Variants in NR2F1-AS1 observed in about 807,000 individuals in gnomAD.
NR2F1-AS1 encodes NR2F1 antisense RNA 1.
intron 4 of NR2F1-AS1, among the ~76,000 whole-genome samples, chr5:93,517,045 T>G (rs1301281128): frequency 1.3e-5 from 2 of 151,990 alleles, no homozygotes; most frequent in Non-Finnish European, 2.9e-5. Flanking sequence ...TTCCTGAATC[T>G]CTCACTGATA....
In NR2F1-AS1 at chr5:93,454,132, T is replaced by C. The variant is rs1178720307; in HGVS notation, n.639-58590A>G. On this transcript the variant is annotated intron_variant and non_coding_transcript_variant, in intron 4 of 5. Coordinates refer to ENST00000660523, the Ensembl canonical transcript of NR2F1-AS1. Reference sequence around the variant, plus strand: ...CTACTGAAAATCAGTATTTAAAAAATTAGCTAGGCATTGTGGCATGTGACT... The same window carrying C: ...CTACTGAAAATCAGTATTTAAAAAACTAGCTAGGCATTGTGGCATGTGACT... 1.4e-4 allele frequency among the ~76,000 whole-genome samples: 21 copies of C among 152,086 alleles called. 1 individual carries two copies. Among genetic ancestry groups the C allele is most frequent in the Non-Finnish European group, 1.5e-5 (1 of 67,998 alleles).
At chr5:93,561,730 A>C (rs577074068) in intron 2 of NR2F1-AS1, among the ~76,000 whole-genome samples, 8 of 152,198 alleles carry the variant, frequency 5.3e-5, no homozygotes, top group African/African-American at 1.9e-4. Context: ...CTGTGTTGAC[A>C]CCACTGCACT....
chr5:93,486,006 C>T (rs1296673398), intron 4 of NR2F1-AS1, among the ~76,000 whole-genome samples: 5 of 132,114 alleles, frequency 3.8e-5, no homozygotes, highest in African/African-American at 8.7e-5. Context: ...AGTAAACTAT[C>T]GCAAGAACAA....
chr5:93,448,964 T>C (rs1307922711), intron 4 of NR2F1-AS1, among the ~76,000 whole-genome samples: 2 of 152,164 alleles, frequency 1.3e-5, no homozygotes, highest in African/African-American at 4.8e-5. Flanking sequence ...TCACAGTAGG[T>C]AGGTAGCTTT....
At chr5:93,504,622 C>T (rs1213069637) in intron 4 of NR2F1-AS1, among the ~76,000 whole-genome samples, 1 of 152,050 alleles carries the variant, frequency 6.6e-6, no homozygotes, top group East Asian at 1.9e-4. Context: ...GCCTCAGAAT[C>T]ACGGTGGGAG....
chr5:93,530,894 ATTTT>A (rs1014502021), intron 4 of NR2F1-AS1, among the ~76,000 whole-genome samples: 2 of 151,756 alleles, frequency 1.3e-5, no homozygotes, highest in Admixed American at 6.6e-5. Context: ...CTTAAGTTTA[ATTTT>A]TTTTGAAAAA....
rs374360755 is a variant in NR2F1-AS1 at position 93,523,722 on chromosome 5, T to C, written n.638+30039A>G. Among the ~76,000 whole-genome samples the C allele has an allele frequency of 7.2e-5, 11 of 152,218 alleles. No individual in the cohort carries two copies. In the East Asian group the frequency reaches 1.7e-3, roughly 24 times the overall value. ...ATACTCAAGCAAACAGGATCTGGAA[T>C]AGACATCCAGCAAACTCCAGCAGAC... On this transcript the variant is annotated intron_variant and non_coding_transcript_variant, in intron 4 of 5. Transcript: ENST00000660523.
chr5:93,513,010 A>G (rs1751332686), intron 4 of NR2F1-AS1, among the ~76,000 whole-genome samples: 1 of 152,158 alleles, frequency 6.6e-6, no homozygotes, highest in South Asian at 2.1e-4. Flanking sequence ...TCACTAACAC[A>G]GTTAACAAAC....
chr5:93,466,904 T>TC (rs1554065104), intron 4 of NR2F1-AS1, among the ~76,000 whole-genome samples: 5 of 15,528 alleles, frequency 3.2e-4, no homozygotes, highest in Non-Finnish European at 8.5e-4. Flanking sequence ...ATCCCTTTTT[T>TC]GGGGGGGGGG....
intron 4 of NR2F1-AS1, among the ~76,000 whole-genome samples, chr5:93,514,434 AC>A (rs1296326173): frequency 1.3e-5 from 2 of 152,084 alleles, no homozygotes; most frequent in African/African-American, 4.8e-5. Flanking sequence ...TACCTCCAGC[AC>A]CCATTAAACA....
At chr5:93,548,916 T>C (rs1277943913) in intron 4 of NR2F1-AS1, among the ~76,000 whole-genome samples, 1 of 152,134 alleles carries the variant, frequency 6.6e-6, no homozygotes, top group African/African-American at 2.4e-5. Flanking sequence ...ATTGATGCTT[T>C]GTCTCTCCAT....
At chr5:93,473,053 T>C (rs908703960) in intron 4 of NR2F1-AS1, among the ~76,000 whole-genome samples, 2 of 151,952 alleles carry the variant, frequency 1.3e-5, no homozygotes, top group Non-Finnish European at 2.9e-5. Context: ...CCATGTGTCA[T>C]GTAAATTTCC....
At chr5:93,484,563 C>T (rs1750675585) in intron 4 of NR2F1-AS1, among the ~76,000 whole-genome samples, 1 of 152,080 alleles carries the variant, frequency 6.6e-6, no homozygotes, top group Non-Finnish European at 1.5e-5. Flanking sequence ...AAATAACCAC[C>T]TAGCATCATA....
chr5:93,551,368 A>T (rs908352218), intron 4 of NR2F1-AS1, among the ~76,000 whole-genome samples: 6 of 152,136 alleles, frequency 3.9e-5, no homozygotes, highest in African/African-American at 1.4e-4. Flanking sequence ...TTAAAACTAT[A>T]TTATAATACA....
At chr5:93,520,507 G>A (rs1314502091) in intron 4 of NR2F1-AS1, among the ~76,000 whole-genome samples, 1 of 151,998 alleles carries the variant, frequency 6.6e-6, no homozygotes, top group Admixed American at 6.6e-5. Context: ...TCAACAAGAG[G>A]AAGTATACAG....
intron 4 of NR2F1-AS1, among the ~76,000 whole-genome samples, chr5:93,475,522 C>T (rs1434925505): frequency 6.6e-6 from 1 of 152,182 alleles, no homozygotes; most frequent in African/African-American, 2.4e-5. Flanking sequence ...CAGTACAGCA[C>T]ACCCTAGAAG....
At chr5:93,417,417 A>C (rs184778642) in intron 4 of NR2F1-AS1, among the ~76,000 whole-genome samples, 2 of 152,370 alleles carry the variant, frequency 1.3e-5, no homozygotes, top group Non-Finnish European at 2.9e-5. Context: ...AAACAGATAA[A>C]GAGTGCCTAT....
intron 4 of NR2F1-AS1, among the ~76,000 whole-genome samples, chr5:93,496,554 T>C (rs748029550): frequency 9.9e-5 from 15 of 152,158 alleles, no homozygotes; most frequent in Non-Finnish European, 2.1e-4. Flanking sequence ...TTATACATTA[T>C]GAAAACTATT....
At chr5:93,443,202 C>A (rs1406253033) in intron 4 of NR2F1-AS1, among the ~76,000 whole-genome samples, 1 of 152,152 alleles carries the variant, frequency 6.6e-6, no homozygotes, top group Non-Finnish European at 1.5e-5. Flanking sequence ...ATGACTTTGA[C>A]GAGTTGAGAG....
Sources: gnomAD v4.1 joint callset for allele counts (sites outside exome capture counted in the v4.1 genomes callset) on GRCh38, gnomAD v4.1.1 for gene constraint, MANE v1.5 for transcripts, NCBI Gene and HGNC (gene_info 2026-07-23, HGNC 2026-07-21) for gene names.